Variants in SRGAP2C observed in about 807,000 individuals in gnomAD.
SRGAP2C encodes the protein SLIT-ROBO Rho GTPase-activating protein 2C.
SRGAP2C carries 15 observed loss-of-function variants against 25.1 expected under a neutral mutation model. The observed-to-expected ratio is 0.60, with a 90% CI of 0.40 to 0.92. The LOEUF is 0.92. Among genes scored for constraint, SRGAP2C ranks in the 40% least tolerant of loss-of-function variants. The pLI is 0.00. For synonymous variants in SRGAP2C, 44 were observed against 96.6 expected (o/e 0.46, Z 3.19); for missense variants, 144 against 264.4 (o/e 0.54, Z 3.16).
chr1:121,309,297 A>AT (rs1482614772), intron 3 of SRGAP2C, among the ~76,000 whole-genome samples: 3 of 135,630 alleles, frequency 2.2e-5, no homozygotes, highest in African/African-American at 8.3e-5. Context: ...TTATTTATTT[A>AT]TTTTTTTAAA....
At chr1:121,238,818 G>A (rs1656022289) in intron 2 of SRGAP2C, among the ~76,000 whole-genome samples, 1 of 127,188 alleles carries the variant, frequency 7.9e-6, no homozygotes, top group Admixed American at 8.1e-5. Context: ...TCTCACTCTT[G>A]TTTCCCAGGA....
intron 2 of SRGAP2C, among the ~76,000 whole-genome samples, chr1:121,259,843 CTT>C (rs782529398): frequency 1.9e-4 from 20 of 107,724 alleles, no homozygotes; most frequent in African/African-American, 7.2e-4. Context: ...TCTTCTTCTA[CTT>C]TTTTTTTTTT....
rs1203362201 is a variant in SRGAP2C, at chr1:121,355,305, C to CT, written c.424-9958dup. 1.9e-3 allele frequency among the ~76,000 whole-genome samples: 72 copies of CT among 37,314 alleles called. 10 individuals carry two copies. The highest frequency in any genetic ancestry group is 5.4e-3 in the South Asian group (3 of 556). The allele number at this position is 37,314 out of a possible 152,430, so 24.5% of individuals were successfully genotyped here. On this transcript the variant is annotated intron_variant, in intron 4 of 9. Transcript: ENST00000367123. ...TGACAACTGCGGGTAGATACACATT[C>CT]TTTTTTTTTTTTTTTTTTTTTTTTT...
chr1:121,218,018 CT>C (rs1465674206), intron 2 of SRGAP2C, among the ~76,000 whole-genome samples: 1 of 145,758 alleles, frequency 6.9e-6, no homozygotes, highest in Non-Finnish European at 1.5e-5. Flanking sequence ...TATCATTCAC[CT>C]TTTGGTCTGT....
chr1:121,378,950 C>G (rs1202270658), intron 7 of SRGAP2C, among the ~76,000 whole-genome samples: 2 of 152,182 alleles, frequency 1.3e-5, no homozygotes, highest in Admixed American at 6.5e-5. Flanking sequence ...ACGTTCTGAG[C>G]TCATTTGATG....
chr1:121,380,535 C>T (rs1316269480), intron 7 of SRGAP2C, among the ~76,000 whole-genome samples: 5 of 151,450 alleles, frequency 3.3e-5, no homozygotes, highest in Non-Finnish European at 7.4e-5. Context: ...TTGAACCTTG[C>T]TCAAATTGTT....
At chr1:121,196,823 A>G (rs1654838871) in intron 2 of SRGAP2C, among the ~76,000 whole-genome samples, 1 of 121,712 alleles carries the variant, frequency 8.2e-6, no homozygotes, top group Non-Finnish European at 1.7e-5. Context: ...CTCAGTAAAC[A>G]CTTATTGTCT....
rs1363058749 is a variant in SRGAP2C, at chr1:121,303,395, T to A, written c.260+18400T>A. Reference sequence around the variant, plus strand: ...TTCTATATTTGGCCAATGGAGTCCCTTCAAGCTGGCTTCTGTGTCTTATTG... The same window carrying A: ...TTCTATATTTGGCCAATGGAGTCCCATCAAGCTGGCTTCTGTGTCTTATTG... On this transcript the variant is annotated intron_variant, in intron 3 of 9. Transcript: ENST00000367123. Among the ~76,000 whole-genome samples the A allele has an allele frequency of 8.6e-3, 1,305 of 151,114 alleles. 23 individuals carry two copies. Among genetic ancestry groups the A allele is most frequent in the African/African-American group, 0.03 (1,242 of 41,046 alleles).
At chr1:121,385,264 A>G (rs1265196474) in intron 8 of SRGAP2C, among the ~76,000 whole-genome samples, 1 of 119,532 alleles carries the variant, frequency 8.4e-6, no homozygotes, top group Non-Finnish European at 1.7e-5. Flanking sequence ...GTGCTCTCAG[A>G]TGTACTAGGA....
At chr1:121,259,682 A>G (rs1414151788) in intron 2 of SRGAP2C, among the ~76,000 whole-genome samples, 3 of 151,468 alleles carry the variant, frequency 2.0e-5, no homozygotes, top group African/African-American at 4.8e-5. Flanking sequence ...GATCTCTGTG[A>G]GTTAACATTT....
intron 2 of SRGAP2C, among the ~76,000 whole-genome samples, chr1:121,224,692 C>T (rs1363584127): frequency 7.1e-6 from 1 of 141,808 alleles, no homozygotes; most frequent in Non-Finnish European, 1.5e-5. Context: ...TCCTGTGTCA[C>T]TCAGCTCTGG....
At chr1:121,308,131 C>A (rs1380033273) in intron 3 of SRGAP2C, among the ~76,000 whole-genome samples, 6 of 135,896 alleles carry the variant, frequency 4.4e-5, no homozygotes, top group Non-Finnish European at 6.4e-5. Flanking sequence ...CAGCACCAGC[C>A]CTTTGAGATG....
At chr1:121,239,222 AT>A (rs1378969738) in intron 2 of SRGAP2C, among the ~76,000 whole-genome samples, 3 of 5,164 alleles carry the variant, frequency 5.8e-4, no homozygotes, top group South Asian at 4.1e-3. Flanking sequence ...ATATATATAT[AT>A]ATATACTATA....
chr1:121,187,909 G>T (rs587670873), intron 2 of SRGAP2C, among the ~76,000 whole-genome samples: 1 of 152,112 alleles, frequency 6.6e-6, no homozygotes, highest in African/African-American at 2.4e-5. Context: ...AGAGATTGAA[G>T]AGGAGTCCAG....
intron 2 of SRGAP2C, among the ~76,000 whole-genome samples, chr1:121,221,697 T>G: frequency 2.3e-5 from 1 of 44,180 alleles, no homozygotes; most frequent in African/African-American, 1.2e-4. Context: ...GGCAACAGAG[T>G]GAGACAACGT....
intron 4 of SRGAP2C, among the ~76,000 whole-genome samples, chr1:121,356,835 A>C: frequency 1.3e-5 from 2 of 151,578 alleles, no homozygotes; most frequent in Non-Finnish European, 2.9e-5. Flanking sequence ...GTCTGTTTTA[A>C]GGGATGTTGT....
intron 3 of SRGAP2C, among the ~76,000 whole-genome samples, chr1:121,322,138 C>A (rs1222175407): frequency 1.3e-5 from 2 of 149,268 alleles, no homozygotes; most frequent in South Asian, 2.1e-4. Context: ...CAGTATAGAC[C>A]CCCCCAATCC....
chr1:121,277,211 A>G (rs1657126105), intron 2 of SRGAP2C, among the ~76,000 whole-genome samples: 1 of 142,830 alleles, frequency 7.0e-6, no homozygotes, highest in Non-Finnish European at 1.5e-5. Flanking sequence ...ATCTTGTGCA[A>G]TTATGTAATA....
intron 2 of SRGAP2C, among the ~76,000 whole-genome samples, chr1:121,273,207 G>T (rs1322200256): frequency 8.4e-6 from 1 of 118,916 alleles, no homozygotes; most frequent in Non-Finnish European, 1.9e-5. Context: ...CTTAATAAAT[G>T]GGATATGTGA....
Sources: gnomAD v4.1 joint callset for allele counts (sites outside exome capture counted in the v4.1 genomes callset) on GRCh38, gnomAD v4.1.1 for gene constraint, MANE v1.5 for transcripts, NCBI Gene and HGNC (gene_info 2026-07-23, HGNC 2026-07-21) for gene names.